Variants in SOBP observed in about 807,000 individuals in gnomAD.
The protein encoded by SOBP is sine oculis-binding protein homolog.
SOBP carries 4 observed loss-of-function variants against 53.6 expected under a neutral mutation model. That is an observed-to-expected ratio of 0.07 (90% CI 0.04 to 0.17). The LOEUF (loss-of-function observed/expected upper bound fraction) is 0.17. Among genes scored for constraint, SOBP ranks in the 10% least tolerant of loss-of-function variants. SOBP has a pLI of 1.00. For synonymous variants in SOBP, 584 were observed against 522.6 expected, an observed-to-expected ratio of 1.12 and a Z score of -1.60; for missense variants, 1,088 against 1,204.7, an observed-to-expected ratio of 0.90 and a Z score of 1.43.
chr6:107,617,269 G>A (rs1040269419), intron 5 of SOBP, among the ~76,000 whole-genome samples: 5 of 152,132 alleles, frequency 3.3e-5, no homozygotes, highest in Non-Finnish European at 5.9e-5. Flanking sequence ...AGAGGGCAGC[G>A]TGCCCCAGTG....
intron 3 of SOBP, among the ~76,000 whole-genome samples, chr6:107,521,618 G>A (rs1280065985): frequency 6.6e-6 from 1 of 152,090 alleles, no homozygotes; most frequent in Non-Finnish European, 1.5e-5. Context: ...TGAACATTTG[G>A]GTTGTTCCCG....
At chr6:107,636,825 G>A (rs922766515) in intron 6 of SOBP, among the ~76,000 whole-genome samples, 7 of 152,046 alleles carry the variant, frequency 4.6e-5, no homozygotes, top group African/African-American at 1.4e-4. Flanking sequence ...AGTGTTTTTC[G>A]GTAGTATTTA....
At chr6:107,541,579 G>A (rs549393324) in intron 4 of SOBP, among the ~76,000 whole-genome samples, 1 of 152,252 alleles carries the variant, frequency 6.6e-6, no homozygotes, top group Non-Finnish European at 1.5e-5. Flanking sequence ...ATGGGTAATA[G>A]GAATTTTGAG....
chr6:107,636,731 C>T (rs1022644922), intron 6 of SOBP, among the ~76,000 whole-genome samples: 1 of 152,148 alleles, frequency 6.6e-6, no homozygotes, highest in Non-Finnish European at 1.5e-5. Context: ...GGAGTGCAAA[C>T]TCCAGGAGGA....
chr6:107,542,303 C>T (rs1038948435), intron 4 of SOBP, among the ~76,000 whole-genome samples: 1 of 152,014 alleles, frequency 6.6e-6, no homozygotes, highest in Non-Finnish European at 1.5e-5. Context: ...GCAGAGTGTC[C>T]TGTGGAGAAG....
At chr6:107,655,055 ACTCGGGTCTC>A (rs945044363) in intron 6 of SOBP, among the ~76,000 whole-genome samples, 1 of 152,074 alleles carries the variant, frequency 6.6e-6, no homozygotes, top group Admixed American at 6.6e-5. Flanking sequence ...TTGTACTGTA[ACTCGGGTCTC>A]TGTTTCGCTT....
chr6:107,568,656 C>T (rs1784983030), intron 4 of SOBP, among the ~76,000 whole-genome samples: 1 of 152,210 alleles, frequency 6.6e-6, no homozygotes, highest in Non-Finnish European at 1.5e-5. Flanking sequence ...AGCTGCCAGT[C>T]AATAGGGACA....
intron 6 of SOBP, among the ~76,000 whole-genome samples, chr6:107,640,368 T>C (rs532923932): frequency 6.6e-6 from 1 of 152,360 alleles, no homozygotes; most frequent in Admixed American, 6.5e-5. Flanking sequence ...TGCTATCTAA[T>C]GGTCCAGTAC....
At chr6:107,569,489 C>T (rs541294224) in intron 4 of SOBP, among the ~76,000 whole-genome samples, 2 of 152,284 alleles carry the variant, frequency 1.3e-5, no homozygotes, top group South Asian at 4.2e-4. Context: ...GAGTCCCCAC[C>T]TTCCAGAGCT....
chr6:107,553,524 C>T (rs892264371), intron 4 of SOBP, among the ~76,000 whole-genome samples: 3 of 151,276 alleles, frequency 2.0e-5, no homozygotes, highest in Non-Finnish European at 4.4e-5. Flanking sequence ...TGGAGTCTCC[C>T]TCTGTCGCCC....
intron 5 of SOBP, among the ~76,000 whole-genome samples, chr6:107,601,584 G>C (rs1786181017): frequency 6.6e-6 from 1 of 152,308 alleles, no homozygotes; most frequent in East Asian, 1.9e-4. Context: ...TGCCCTGGCT[G>C]GTCCAGCAGG....
At chr6:107,602,674 C>G (rs1440214152) in intron 5 of SOBP, among the ~76,000 whole-genome samples, 1 of 151,608 alleles carries the variant, frequency 6.6e-6, no homozygotes, top group Non-Finnish European at 1.5e-5. Context: ...GGCCTAAAGG[C>G]TCAGGTTATG....
intron 1 of SOBP, 151 bp from the exon 2 acceptor site, chr6:107,503,506 T>C: frequency 1.3e-6 from 1 of 795,990 alleles, no homozygotes; most frequent in Non-Finnish European, 2.1e-6. Context: ...CATTATGGTT[T>C]TGAACATGAT....
intron 4 of SOBP, among the ~76,000 whole-genome samples, chr6:107,584,499 G>A (rs1487399715): frequency 6.6e-6 from 1 of 152,134 alleles, no homozygotes; most frequent in Non-Finnish European, 1.5e-5. Flanking sequence ...TTTCATTTCT[G>A]TGGCATGTAG....
chr6:107,622,024 GGTAA>G (rs1277323542), intron 5 of SOBP, among the ~76,000 whole-genome samples: 2 of 152,086 alleles, frequency 1.3e-5, no homozygotes, highest in Non-Finnish European at 2.9e-5. Context: ...CAGAATAAAG[GGTAA>G]GTAAGAGTAG....
intron 1 of SOBP, among the ~76,000 whole-genome samples, chr6:107,499,473 C>T (rs1782781908): frequency 6.6e-6 from 1 of 152,110 alleles, no homozygotes; most frequent in African/African-American, 2.4e-5. Flanking sequence ...CCAAATTGGA[C>T]CACATGGTTT....
chr6:107,563,472 G>T (rs1335784062), intron 4 of SOBP, among the ~76,000 whole-genome samples: 1 of 152,004 alleles, frequency 6.6e-6, no homozygotes, highest in Non-Finnish European at 1.5e-5. Context: ...TTTCTCAGCA[G>T]ATAAATTTAT....
At chr6:107,517,863 TAATAC>T (rs1217337846) in intron 3 of SOBP, among the ~76,000 whole-genome samples, 2 of 152,194 alleles carry the variant, frequency 1.3e-5, no homozygotes, top group Non-Finnish European at 2.9e-5. Flanking sequence ...TAATTACATA[TAATAC>T]AATTAAGAAT....
At chr6:107,504,300 AC>A (rs1782921819) in intron 2 of SOBP, among the ~76,000 whole-genome samples, 1 of 152,140 alleles carries the variant, frequency 6.6e-6, no homozygotes, top group African/African-American at 2.4e-5. Context: ...CCCTGCCCCC[AC>A]GCACTTGAAT....
Sources: allele counts gnomAD v4.1 joint callset (sites outside exome capture counted in the v4.1 genomes callset), GRCh38; gene constraint gnomAD v4.1.1; transcripts MANE v1.5; gene names NCBI Gene and HGNC (gene_info 2026-07-23, HGNC 2026-07-21).